The following PCDHA8 variants were observed in gnomAD, a reference collection of about 807,000 sequenced individuals.
PCDHA8 encodes the protein protocadherin alpha-8.
A neutral mutation model predicts 61.8 loss-of-function variants in PCDHA8; 53 were observed. The observed-to-expected ratio is 0.86, with a 90% CI of 0.69 to 1.08. The LOEUF is 1.08. Among genes scored for constraint, PCDHA8 ranks in the 50% least tolerant of loss-of-function variants. The pLI is 0.00. For synonymous variants in PCDHA8, 618 were observed against 556.6 expected, an observed-to-expected ratio of 1.11 and a Z score of -1.55; for missense variants, 1,293 against 1,245.0, an observed-to-expected ratio of 1.04 and a Z score of -0.58.
chr5:141,004,871 C>T (rs2098186149), intron 3 of PCDHA8, among the ~76,000 whole-genome samples: 2 of 152,126 alleles, frequency 1.3e-5, no homozygotes, highest in South Asian at 4.1e-4. Context: ...TGTTTCTCAT[C>T]CCTAAAGTGC....
At chr5:140,947,956 A>G (rs1460892977) in intron 1 of PCDHA8, among the ~76,000 whole-genome samples, 2 of 151,570 alleles carry the variant, frequency 1.3e-5, no homozygotes, top group Non-Finnish European at 3.0e-5. Context: ...CATATTTTAC[A>G]ATTAAGTATG....
At position 140,842,705 on chromosome 5, in the gene PCDHA8, G is replaced by T; in HGVS notation, c.1384G>T (p.Val462Leu). ...APAFAQPEYT[V>L]FVKENNPPGC... ...GGCGTTCGCGCAGCCCGAGTACACG[G>T]TGTTCGTGAAGGAGAACAACCCGCC... The change falls in exon 1 of 4, where the codon GTG becomes TTG. Residue 462 changes from valine (V) to leucine (L), a missense_variant. By Grantham distance (32) the Val-to-Leu change is conservative. Coordinates refer to ENST00000531613, the MANE Select transcript of PCDHA8 (RefSeq NM_018911.3). 1.3e-6 allele frequency: 2 copies of T among 1,595,328 alleles called. No individual in the cohort carries two copies. The highest frequency in any genetic ancestry group is 1.7e-6 in the Non-Finnish European group (2 of 1,165,518).
At chr5:140,907,970 A>C (rs1312755290) in intron 1 of PCDHA8, among the ~76,000 whole-genome samples, 3 of 152,158 alleles carry the variant, frequency 2.0e-5, no homozygotes, top group Admixed American at 2.0e-4. Flanking sequence ...CAATTTTCCA[A>C]TCATGCTTCT....
chr5:140,917,041 A>G (rs891465527), intron 1 of PCDHA8, among the ~76,000 whole-genome samples: 11 of 152,096 alleles, frequency 7.2e-5, no homozygotes, highest in Non-Finnish European at 1.6e-4. Flanking sequence ...AGTCCAGCAC[A>G]GTGTTGTTCC....
rs2150458780 is a variant in PCDHA8, at chr5:140,849,941, T to A, written c.2394+6226T>A. ...TCTTCACGGTGTCTGCGCGGGACGC[T>A]GACGCGCAGGAGAACGCCCTGGTGT... On this transcript the variant is annotated intron_variant, in intron 1 of 3. Transcript: ENST00000531613. The A allele has an allele frequency of 1.5e-5, 24 of 1,597,306 alleles. 2 individuals carry two copies. Among genetic ancestry groups the A allele is most frequent in the Non-Finnish European group, 1.9e-5 (22 of 1,167,576 alleles).
At chr5:140,904,932 T>C in intron 1 of PCDHA8, among the ~76,000 whole-genome samples, 1 of 152,250 alleles carries the variant, frequency 6.6e-6, no homozygotes, top group African/African-American at 2.4e-5. Context: ...TTGTAGGTTC[T>C]GGATATTAGT....
intron 3 of PCDHA8, among the ~76,000 whole-genome samples, chr5:141,003,251 C>T (rs1240561091): frequency 6.6e-6 from 1 of 152,176 alleles, no homozygotes; most frequent in Admixed American, 6.5e-5. Flanking sequence ...AAAAAGATTC[C>T]TGGGCAGTGC....
At chr5:140,969,436 A>G (rs1289383219) in intron 1 of PCDHA8, 2 of 1,549,954 alleles carry the variant, frequency 1.3e-6, no homozygotes, top group Non-Finnish European at 1.7e-6. Flanking sequence ...GACAAGAGTT[A>G]TCTGGTAAAC....
rs898079440 is a variant in PCDHA8, at chr5:140,897,263, A to T, written c.2394+53548A>T. Among the ~76,000 whole-genome samples, 4 of 151,888 alleles carry T rather than the reference A, an allele frequency of 2.6e-5. No individual in the cohort carries two copies. The South Asian group carries it at 6.2e-4, about 24-fold the overall frequency. On this transcript the variant is annotated intron_variant, in intron 1 of 3. Transcript: ENST00000531613. Reference sequence around the variant, plus strand: ...TTAGTTACATATGTATACATGTGCCATGCTGGTGTGCTGCACCCATTAACT... The same window carrying T: ...TTAGTTACATATGTATACATGTGCCTTGCTGGTGTGCTGCACCCATTAACT...
Position 140,842,786 on chromosome 5 carries a change from C to A in PCDHA8, c.1465C>A (p.Leu489Met), listed in dbSNP as rs1554139367. ...ARDADAQENA[L>M]VSYSLVERRV... ...AGACGCGGACGCGCAGGAGAACGCGCTGGTGTCCTACTCGCTTGTGGAGCG... is the reference window on the plus strand; with the variant it reads ...AGACGCGGACGCGCAGGAGAACGCGATGGTGTCCTACTCGCTTGTGGAGCG... The change falls in exon 1 of 4, where the codon CTG becomes ATG. Residue 489 changes from leucine to methionine, a missense_variant. Transcript: ENST00000531613. 6.3e-7 allele frequency: 1 copy of A among 1,594,526 alleles called. No homozygotes were observed. Among genetic ancestry groups the A allele is most frequent in the Admixed American group, 1.7e-5 (1 of 59,306 alleles).
chr5:140,944,881 T>C (rs1554216593), intron 1 of PCDHA8, among the ~76,000 whole-genome samples: 1 of 152,180 alleles, frequency 6.6e-6, no homozygotes, highest in Non-Finnish European at 1.5e-5. Flanking sequence ...CCTACTCCAC[T>C]GTACAGTTCC....
chr5:140,894,821 C>A (rs1303468240), intron 1 of PCDHA8, among the ~76,000 whole-genome samples: 1 of 151,806 alleles, frequency 6.6e-6, no homozygotes, highest in African/African-American at 2.4e-5. Flanking sequence ...TCAGATTTGC[C>A]CATAATCCTT....
At chr5:140,937,798 G>A (rs782138454) in intron 1 of PCDHA8, among the ~76,000 whole-genome samples, 1 of 151,676 alleles carries the variant, frequency 6.6e-6, no homozygotes, top group African/African-American at 2.4e-5. Flanking sequence ...TGTAGTCCCA[G>A]CTACTCGGGA....
Position 140,850,285 on chromosome 5 carries a change from T to C in PCDHA8, c.2394+6570T>C. 3.8e-6 allele frequency: 6 copies of C among 1,595,604 alleles called. 1 individual carries two copies. The highest frequency in any genetic ancestry group is 4.5e-5 in the East Asian group (2 of 44,810). On this transcript the variant is annotated intron_variant, in intron 1 of 3. Coordinates refer to ENST00000531613, the MANE Select transcript of PCDHA8 (RefSeq NM_018911.3). ...GTAGTGGTGGGGAAGGTGCGCGCAG[T>C]GGACGCCGACTCGGGCTACAACGCG...
At chr5:140,862,688 A>G in intron 1 of PCDHA8, 1 of 553,472 alleles carries the variant, frequency 1.8e-6, no homozygotes, top group Non-Finnish European at 3.6e-6. Flanking sequence ...CTGGTGTCCT[A>G]CTCGTTGATG....
intron 3 of PCDHA8, among the ~76,000 whole-genome samples, chr5:141,000,640 C>G (rs2097954123): frequency 6.6e-6 from 1 of 151,256 alleles, no homozygotes; most frequent in South Asian, 2.1e-4. Flanking sequence ...GTTGGGCAGG[C>G]TGGTCTCGAA....
At chr5:140,911,934 A>G (rs2075691303) in intron 1 of PCDHA8, among the ~76,000 whole-genome samples, 1 of 152,158 alleles carries the variant, frequency 6.6e-6, no homozygotes, top group East Asian at 1.9e-4. Flanking sequence ...AATAGGATAG[A>G]TGTATATATA....
chr5:141,011,553 G>T lies in PCDHA8; in HGVS notation c.*1616G>T, dbSNP rs1191049531. The T allele has an allele frequency of 6.5e-6, 1 of 153,640 alleles. No homozygotes were observed. The highest frequency in any genetic ancestry group is 1.5e-5 in the Non-Finnish European group (1 of 68,008). The allele number at this position is 153,640 out of a possible 1,614,324, so 9.5% of individuals were successfully genotyped here. Reference sequence around the variant, plus strand: ...TGTTAATCAGCTTTTGTGTATGAAAGACACAGTAAAATTTCTTTCTTAAAT... The same window carrying T: ...TGTTAATCAGCTTTTGTGTATGAAATACACAGTAAAATTTCTTTCTTAAAT... On this transcript the variant is annotated 3_prime_UTR_variant, in exon 4 of 4. Transcript: ENST00000531613.
chr5:140,997,349 G>A (rs954510019), intron 3 of PCDHA8, among the ~76,000 whole-genome samples: 3 of 152,256 alleles, frequency 2.0e-5, no homozygotes, highest in South Asian at 2.1e-4. Context: ...ATCATAGAAT[G>A]TACTTACATA....
Sources: allele counts gnomAD v4.1 joint callset (sites outside exome capture counted in the v4.1 genomes callset), GRCh38; gene constraint gnomAD v4.1.1; transcripts MANE v1.5; gene names NCBI Gene and HGNC (gene_info 2026-07-23, HGNC 2026-07-21).